The following RPSA2 variants were observed in gnomAD, a reference collection of about 807,000 sequenced individuals.
The protein encoded by RPSA2 is small ribosomal subunit protein uS2B.
At chr19:23,841,527 C>T in the RPSA2 span, among the ~76,000 whole-genome samples, 2 of 152,198 alleles carry the variant, frequency 1.3e-5, no homozygotes, top group Non-Finnish European at 2.9e-5. Flanking sequence ...GACTAATGTG[C>T]ATAAACAATC....
chr19:23,865,809 C>G, the RPSA2 span, among the ~76,000 whole-genome samples: 1 of 152,134 alleles, frequency 6.6e-6, no homozygotes, highest in African/African-American at 2.4e-5. Flanking sequence ...TTGACATGAA[C>G]ACACTCTTGT....
the RPSA2 span, among the ~76,000 whole-genome samples, chr19:23,761,751 A>G: frequency 6.6e-6 from 1 of 151,998 alleles, no homozygotes; most frequent in Admixed American, 6.6e-5. Context: ...AGAAAATTAA[A>G]TATCCCCGTT....
chr19:23,812,358 ATATT>A, the RPSA2 span, among the ~76,000 whole-genome samples: 1 of 130,434 alleles, frequency 7.7e-6, no homozygotes, highest in Non-Finnish European at 1.7e-5. Flanking sequence ...TATCTTGTAT[ATATT>A]CTTTCTTAGC....
the RPSA2 span, among the ~76,000 whole-genome samples, chr19:23,854,013 T>G: frequency 6.6e-6 from 1 of 152,198 alleles, no homozygotes; most frequent in Non-Finnish European, 1.5e-5. Context: ...GAAATTACAT[T>G]AATCCAATAA....
chr19:23,771,499 C>T, the RPSA2 span, among the ~76,000 whole-genome samples: 1 of 152,196 alleles, frequency 6.6e-6, no homozygotes, highest in Non-Finnish European at 1.5e-5. Flanking sequence ...CTCATACCTC[C>T]ACCTTCATCC....
the RPSA2 span, among the ~76,000 whole-genome samples, chr19:23,830,053 T>TTC: frequency 6.6e-6 from 1 of 151,326 alleles, no homozygotes; most frequent in African/African-American, 2.4e-5. Context: ...TTTGGAAGGT[T>TTC]TTTTTTTTTT....
the RPSA2 span, among the ~76,000 whole-genome samples, chr19:23,780,741 C>A: frequency 1.9e-3 from 291 of 152,326 alleles, 1 homozygote; most frequent in African/African-American, 6.8e-3. Context: ...TCCAGAGCAG[C>A]ACAACGTTCT....
At chr19:23,822,895 C>T in the RPSA2 span, among the ~76,000 whole-genome samples, 5 of 152,136 alleles carry the variant, frequency 3.3e-5, no homozygotes, top group African/African-American at 4.8e-5. Context: ...CTGTAGCTTC[C>T]AGCAAAGCTG....
At chr19:23,849,438 G>T in the RPSA2 span, among the ~76,000 whole-genome samples, 1 of 152,136 alleles carries the variant, frequency 6.6e-6, no homozygotes, top group African/African-American at 2.4e-5. Flanking sequence ...ATTTATCATG[G>T]GGTTCAGAAT....
chr19:23,837,143 G>T, the RPSA2 span, among the ~76,000 whole-genome samples: 1 of 151,938 alleles, frequency 6.6e-6, no homozygotes, highest in Admixed American at 6.6e-5. Context: ...AATCCATCTT[G>T]TGTTGATTTT....
chr19:23,807,833 T>C, the RPSA2 span: 1 of 421,278 alleles, frequency 2.4e-6, no homozygotes, highest in South Asian at 2.0e-5. Context: ...CAGGGACTCT[T>C]GACGTTTAGG....
At chr19:23,864,580 A>G in the RPSA2 span, among the ~76,000 whole-genome samples, 1 of 152,158 alleles carries the variant, frequency 6.6e-6, no homozygotes, top group Non-Finnish European at 1.5e-5. Context: ...ACTCTCCATA[A>G]TAAGTAGCTA....
chr19:23,855,904 T>C, the RPSA2 span, among the ~76,000 whole-genome samples: 52 of 151,936 alleles, frequency 3.4e-4, no homozygotes, highest in Non-Finnish European at 6.3e-4. Context: ...CCGCAAAGGT[T>C]TGGAGAGGGA....
the RPSA2 span, among the ~76,000 whole-genome samples, chr19:23,839,520 A>G: frequency 6.6e-6 from 1 of 152,154 alleles, no homozygotes; most frequent in African/African-American, 2.4e-5. Flanking sequence ...AAATTACCCC[A>G]GGCTTTCTGT....
the RPSA2 span, among the ~76,000 whole-genome samples, chr19:23,834,415 C>G: frequency 2.6e-5 from 4 of 151,824 alleles, no homozygotes; most frequent in African/African-American, 9.7e-5. Context: ...GTAAGCATTA[C>G]TTATGACCTT....
the RPSA2 span, among the ~76,000 whole-genome samples, chr19:23,816,062 A>G: frequency 6.6e-6 from 1 of 151,762 alleles, no homozygotes; most frequent in East Asian, 1.9e-4. Flanking sequence ...CTTGTAGGCA[A>G]CATACTGTTT....
At chr19:23,776,763 G>A in the RPSA2 span, among the ~76,000 whole-genome samples, 3 of 152,078 alleles carry the variant, frequency 2.0e-5, no homozygotes, top group Non-Finnish European at 4.4e-5. Context: ...TTTGCCTTGG[G>A]CCTGCCCTCA....
the RPSA2 span, among the ~76,000 whole-genome samples, chr19:23,829,799 A>G: frequency 3.3e-5 from 5 of 152,316 alleles, no homozygotes; most frequent in South Asian, 1.0e-3. Context: ...GATGTTTATA[A>G]TGATTTCTAT....
chr19:23,859,898 A>T, the RPSA2 span, among the ~76,000 whole-genome samples: 2 of 152,198 alleles, frequency 1.3e-5, no homozygotes, highest in Non-Finnish European at 2.9e-5. Flanking sequence ...AACATTGTCT[A>T]ATTGAATTTG....
Sources: allele counts gnomAD v4.1 joint callset (sites outside exome capture counted in the v4.1 genomes callset), GRCh38; gene constraint gnomAD v4.1.1; transcripts MANE v1.5; gene names NCBI Gene and HGNC (gene_info 2026-07-23, HGNC 2026-07-21).